The following NUP50 variants were observed in gnomAD, a reference collection of about 807,000 sequenced individuals.
NUP50 encodes the protein nucleoporin 50, also known as nuclear pore complex protein Nup50.
In NUP50, 14 loss-of-function variants were observed where a neutral mutation model predicts 36.8. That is an observed-to-expected ratio of 0.38 (90% CI 0.25 to 0.59). NUP50 has a LOEUF of 0.59. Ranked by LOEUF, NUP50 falls within the 20% of genes least tolerant of loss-of-function variation. The pLI, the probability that NUP50 is intolerant of heterozygous loss-of-function variation, is 0.63. For synonymous variants in NUP50, 195 were observed against 210.8 expected (o/e 0.93, Z 0.65); for missense variants, 455 against 564.6 (o/e 0.81, Z 1.97).
At chr22:45,171,747 C>T in intron 3 of NUP50, 64 bp downstream of exon 3, 1 of 1,271,654 alleles carries the variant, frequency 7.9e-7, no homozygotes. Flanking sequence ...GCACAGCAAT[C>T]CCTCCGCTGG....
intron 1 of NUP50, among the ~76,000 whole-genome samples, chr22:45,167,596 T>C (rs1442068493): frequency 1.3e-5 from 2 of 152,354 alleles, no homozygotes; most frequent in Middle Eastern, 3.4e-3. Flanking sequence ...CTTGGCAATA[T>C]ACAATTTGAA....
At chr22:45,180,991 TTC>T (rs1555894199) in intron 5 of NUP50, among the ~76,000 whole-genome samples, 5 of 152,150 alleles carry the variant, frequency 3.3e-5, no homozygotes, top group Non-Finnish European at 7.4e-5. Flanking sequence ...GATTTTTTTT[TTC>T]TGTCATAAGC....
chr22:45,167,888 A>G (rs1169669516), intron 1 of NUP50, among the ~76,000 whole-genome samples: 1 of 152,170 alleles, frequency 6.6e-6, no homozygotes, highest in Non-Finnish European at 1.5e-5. Flanking sequence ...ATTTCATTTT[A>G]ATTTTTCCAA....
At chr22:45,174,215 T>A (rs1305737960) in intron 3 of NUP50, among the ~76,000 whole-genome samples, 2 of 150,202 alleles carry the variant, frequency 1.3e-5, no homozygotes, top group African/African-American at 4.9e-5. Context: ...AGGGTCTTTG[T>A]CGCCCAGGGT....
Position 45,183,044 on chromosome 22 carries a change from T to G in NUP50, c.1086-358T>G, listed in dbSNP as rs1039079284. ...CTTTAGAGGACCAGATCGGCGATCT[T>G]GAGCTCAGGGCCAAAGGAGCAGAAT... is the stretch of plus-strand genomic sequence containing the variant. On this transcript the variant is annotated intron_variant, in intron 6 of 7. Coordinates refer to ENST00000347635, the MANE Select transcript of NUP50 (RefSeq NM_007172.4). Among the ~76,000 whole-genome samples the G allele has an allele frequency of 4.0e-5, 5 of 125,840 alleles. No homozygotes were observed. In the South Asian group the frequency reaches 1.1e-3, roughly 27 times the overall value. The allele number at this position is 125,840 out of a possible 152,430, so 82.6% of individuals were successfully genotyped here.
chr22:45,179,009 G>GTT, intron 5 of NUP50, 109 bp downstream of exon 5: 1 of 1,046,174 alleles, frequency 9.6e-7, no homozygotes, highest in Non-Finnish European at 1.4e-6. Context: ...TTGAGACGTT[G>GTT]TTCTCTCCAT....
Position 45,186,087 on chromosome 22 carries a change from T to C in NUP50, c.*1432T>C, listed in dbSNP as rs2074466388. On this transcript the variant is annotated 3_prime_UTR_variant, in exon 8 of 8. Coordinates refer to ENST00000347635, the MANE Select transcript of NUP50 (RefSeq NM_007172.4). ...CCGGGAGCAATTTTATGATCAAATATGATGAACTCCTAAGTCACTGAGGTG... is the reference window on the plus strand; with the variant it reads ...CCGGGAGCAATTTTATGATCAAATACGATGAACTCCTAAGTCACTGAGGTG... 1 of 152,236 alleles carries C rather than the reference T, an allele frequency of 6.6e-6. No individual in the cohort carries two copies. The highest frequency in any genetic ancestry group is 6.5e-5 in the Admixed American group (1 of 15,284). The allele number at this position is 152,236 out of a possible 1,614,324, so 9.4% of individuals were successfully genotyped here. A position where few individuals can be genotyped will look rare whatever the true frequency, so the allele number is the denominator to read the frequency against.
intron 1 of NUP50, chr22:45,165,025 C>T (rs960971807): frequency 1.3e-5 from 2 of 152,168 alleles, no homozygotes; most frequent in African/African-American, 4.8e-5. Flanking sequence ...TTAAGTGTAG[C>T]CAAATCTGTG....
chr22:45,168,680 T>TC (rs1231006193), intron 2 of NUP50, among the ~76,000 whole-genome samples: 2 of 152,160 alleles, frequency 1.3e-5, no homozygotes, highest in Non-Finnish European at 2.9e-5. Flanking sequence ...TCTGTGGTAC[T>TC]CCGTTTCCCT....
intron 1 of NUP50, chr22:45,166,511 T>TA (rs1280006476): frequency 1.3e-5 from 2 of 151,984 alleles, no homozygotes; most frequent in Non-Finnish European, 2.9e-5. Flanking sequence ...GGTCTCAAAC[T>TA]CCTGACCTCA....
intron 2 of NUP50, among the ~76,000 whole-genome samples, chr22:45,170,153 C>G (rs1030954605): frequency 1.3e-5 from 2 of 152,030 alleles, no homozygotes; most frequent in Admixed American, 6.6e-5. Flanking sequence ...ATCCCCTGGA[C>G]GACTCATCCT....
intron 7 of NUP50, 102 bp from the exon 8 acceptor site, chr22:45,184,348 AGAT>A (rs2074434117): frequency 9.6e-7 from 1 of 1,039,660 alleles, no homozygotes; most frequent in African/African-American, 1.6e-5. Context: ...TCCCTGTCTT[AGAT>A]GTATTAAGTT....
intron 7 of NUP50, 101 bp downstream of exon 7, chr22:45,183,621 G>T (rs2075952): frequency 0.044 from 34,008 of 778,004 alleles, 1,608 homozygotes; most frequent in East Asian, 0.15. Context: ...TAAACAGAGC[G>T]CATTCAGGCC....
chr22:45,180,712 C>T (rs985634969), intron 5 of NUP50, among the ~76,000 whole-genome samples: 1 of 152,044 alleles, frequency 6.6e-6, no homozygotes, highest in Non-Finnish European at 1.5e-5. Flanking sequence ...CTAGGTCTCC[C>T]GTGTTTGGGA....
At chr22:45,165,273 T>C (rs1191172607) in intron 1 of NUP50, among the ~76,000 whole-genome samples, 1 of 152,248 alleles carries the variant, frequency 6.6e-6, no homozygotes, top group African/African-American at 2.4e-5. Flanking sequence ...GACTGGGTCT[T>C]GCTTTGTCAC....
At chr22:45,166,283 C>CTTTTTTTTTTTTTTTTTTTTT (rs71190641) in intron 1 of NUP50, 2 of 121,946 alleles carry the variant, frequency 1.6e-5, no homozygotes, top group Admixed American at 8.1e-5. Flanking sequence ...TTTTCTTTTT[C>CTTTTTTTTTTTTTTTTTTTTT]TTTTTTTTTT....
At chr22:45,169,698 G>A (rs961400375) in intron 2 of NUP50, among the ~76,000 whole-genome samples, 2 of 152,234 alleles carry the variant, frequency 1.3e-5, no homozygotes, top group Admixed American at 6.5e-5. Context: ...CCTCTGTCAC[G>A]CCCGCATAAG....
At chr22:45,173,745 C>T (rs950000293) in intron 3 of NUP50, among the ~76,000 whole-genome samples, 16 of 152,152 alleles carry the variant, frequency 1.1e-4, no homozygotes, top group African/African-American at 2.9e-4. Flanking sequence ...CCTGTGCAAC[C>T]GAAGGAAGTT....
Position 45,178,880 on chromosome 22 carries a change from G to A in NUP50, c.983G>A (p.Gly328Asp). ...AAACCATTGGAGGGCCAAGCAGAAG[G>A]TGACAGTGGTGAATGCAAAGGTAAG... ...PTKPLEGQAE[G>D]DSGECKGGDE... Residue 328 changes from glycine (G) to aspartate (D), a missense_variant, in exon 5 of 8, where the codon GGT (glycine) becomes GAT (aspartate). Gly to Asp is a moderately conservative substitution (Grantham distance 94). Coordinates refer to ENST00000347635, the MANE Select transcript of NUP50 (RefSeq NM_007172.4). 1 of 1,612,974 alleles carries A rather than the reference G, an allele frequency of 6.2e-7. No homozygotes were observed. The highest frequency in any genetic ancestry group is 1.7e-5 in the Admixed American group (1 of 59,904).
Sources: allele counts gnomAD v4.1 joint callset (sites outside exome capture counted in the v4.1 genomes callset), GRCh38; gene constraint gnomAD v4.1.1; transcripts MANE v1.5; gene names NCBI Gene and HGNC (gene_info 2026-07-23, HGNC 2026-07-21).